DCP2: variants seen among roughly 807,000 people sequenced by gnomAD.
DCP2 encodes decapping mRNA 2.
DCP2 carries 30 observed loss-of-function variants against 56.1 expected under a neutral mutation model. The observed-to-expected ratio is 0.53, with a 90% confidence interval of 0.40 to 0.73. DCP2 has a LOEUF of 0.73. Ranked by LOEUF, DCP2 falls within the 30% of genes least tolerant of loss-of-function variation. DCP2 has a pLI of 0.00. For synonymous variants in DCP2, 197 were observed against 163.3 expected (o/e 1.21, Z -1.57); for missense variants, 533 against 502.7 (o/e 1.06, Z -0.58).
At chr5:112,995,074 G>C (rs1748786075) in intron 4 of DCP2, among the ~76,000 whole-genome samples, 1 of 152,126 alleles carries the variant, frequency 6.6e-6, no homozygotes. Flanking sequence ...GTTTATTATA[G>C]AAAAACCATT....
At chr5:112,977,108 G>T (rs1475386097) in intron 1 of DCP2, 122 bp downstream of exon 1, 3 of 701,172 alleles carry the variant, frequency 4.3e-6, no homozygotes, top group Non-Finnish European at 6.7e-6. Context: ...TCCCGCCGCT[G>T]CTCGCTTTCC....
Position 113,013,676 on chromosome 5 carries a change from T to A in DCP2, c.*192T>A. ...CTGTAAATGCAGTTATAACCTTTTA[T>A]ACAGATTTACCTTTTCAGTGTTCAG... is the stretch of plus-strand genomic sequence containing the variant. On this transcript the variant is annotated 3_prime_UTR_variant, in exon 11 of 11. Transcript: ENST00000389063. The A allele has an allele frequency of 1.7e-6, 1 of 599,286 alleles. No individual in the cohort carries two copies. Among genetic ancestry groups the A allele is most frequent in the Non-Finnish European group, 2.8e-6 (1 of 358,254 alleles). The allele number at this position is 599,286 out of a possible 1,614,324, so 37.1% of individuals were successfully genotyped here. A position where few individuals can be genotyped will look rare whatever the true frequency, so the allele number is the denominator to read the frequency against.
chr5:113,006,117 C>CA (rs75106280), intron 8 of DCP2, among the ~76,000 whole-genome samples: 10,433 of 61,654 alleles, frequency 0.17, 1,061 homozygotes, highest in African/African-American at 0.37. Context: ...ACCCTATCTC[C>CA]AAAAAAAAAA....
rs146621442 is a variant in DCP2, at chr5:113,013,346, C to T, written c.1125C>T (p.Ser375=). 1.9e-5 allele frequency: 30 copies of T among 1,613,808 alleles called. No individual in the cohort carries two copies. The highest frequency in any genetic ancestry group is 2.5e-5 in the Non-Finnish European group (29 of 1,179,874). The part of the protein sequence containing the change: ...ETDAVYDLPS[S]SEDQLLEHAE... ...ATGCTGTATATGACTTGCCTAGCTC[C>T]AGTGAAGACCAGTTGCTAGAACATG... The change falls in exon 11 of 11, where the codon TCC becomes TCT. Residue 375 remains serine, a synonymous_variant. Coordinates refer to ENST00000389063, the MANE Select transcript of DCP2 (RefSeq NM_152624.6).
rs1750034572 is a variant in DCP2, at chr5:113,019,904, G to A, written c.*6420G>A. The A allele has an allele frequency of 6.6e-6, 1 of 152,214 alleles. No individual in the cohort carries two copies. The allele number at this position is 152,214 out of a possible 1,614,324, so 9.4% of individuals were successfully genotyped here. ...TTTTTAAGTGAAGTTCTCTTAATAA[G>A]ATTGCCTTTTGTCTAACCGAAATAG... On this transcript the variant is annotated 3_prime_UTR_variant, in exon 11 of 11. Coordinates refer to ENST00000389063, the MANE Select transcript of DCP2 (RefSeq NM_152624.6).
At chr5:113,006,303 T>C (rs534404699) in intron 8 of DCP2, among the ~76,000 whole-genome samples, 3 of 152,062 alleles carry the variant, frequency 2.0e-5, no homozygotes, top group African/African-American at 7.2e-5. Context: ...GAGGGGAGAA[T>C]AGGGAGTTAC....
rs1273326881 is a variant in DCP2 at position 113,018,168 on chromosome 5, T to C, written c.*4684T>C. The C allele has an allele frequency of 2.6e-5, 4 of 152,234 alleles. No homozygotes were observed. The highest frequency in any genetic ancestry group is 9.6e-5 in the African/African-American group (4 of 41,452). 9.4% of individuals were successfully genotyped at this position (152,234 alleles called of 1,614,324 possible). On this transcript the variant is annotated 3_prime_UTR_variant, in exon 11 of 11. Coordinates refer to ENST00000389063, the MANE Select transcript of DCP2 (RefSeq NM_152624.6). ...TCCTTGTGACAAATAGCATTTACTA[T>C]TGAAATAGTCTTAAAATAGGGAAAA...
At chr5:112,987,945 G>T (rs1409263514) in intron 2 of DCP2, among the ~76,000 whole-genome samples, 18 of 152,078 alleles carry the variant, frequency 1.2e-4, no homozygotes, top group African/African-American at 3.9e-4. Flanking sequence ...TTTTGACCAT[G>T]ACGTGTATGT....
intron 4 of DCP2, among the ~76,000 whole-genome samples, chr5:113,000,127 A>G (rs1189152697): frequency 1.3e-5 from 2 of 150,744 alleles, no homozygotes; most frequent in Admixed American, 6.6e-5. Flanking sequence ...GCTAATTTTT[A>G]TCTACATTTT....
rs186699689 is a variant in DCP2 at position 112,976,939 on chromosome 5, G to T, written c.6G>T (p.Glu2Asp). Residue 2 changes from glutamate to aspartate, a missense_variant, in exon 1 of 11, where the codon GAG (glutamate) becomes GAT (aspartate). Transcript: ENST00000389063. Reference protein sequence around the residue: METKRVEIPGSV... With the variant: MDTKRVEIPGSV... ...TCCTGCTGTGGGTCCTCATCATGGAGACCAAACGGGTGGAGATTCCCGGCA... is the reference window on the plus strand; with the variant it reads ...TCCTGCTGTGGGTCCTCATCATGGATACCAAACGGGTGGAGATTCCCGGCA... 15 of 1,608,912 alleles carry T rather than the reference G, an allele frequency of 9.3e-6. No homozygotes were observed. The highest frequency in any genetic ancestry group is 1.7e-4 in the Middle Eastern group (1 of 6,046).
chr5:112,984,722 A>ATATT (rs1748188709), intron 1 of DCP2: 1 of 134,320 alleles, frequency 7.4e-6, no homozygotes, highest in African/African-American at 3.0e-5. Flanking sequence ...ATATATATAT[A>ATATT]TATTTGAGAC....
At chr5:112,985,802 A>C (rs376045396) in intron 1 of DCP2, 33 bp from the exon 2 acceptor site, 2 of 1,590,604 alleles carry the variant, frequency 1.3e-6, no homozygotes, top group Middle Eastern at 1.7e-4. Context: ...TAGTTTGTAA[A>C]TGTAATTTTT....
intron 4 of DCP2, among the ~76,000 whole-genome samples, chr5:113,000,762 A>G (rs2150183418): frequency 6.6e-6 from 1 of 152,292 alleles, no homozygotes; most frequent in Non-Finnish European, 1.5e-5. Context: ...AGAGTGGGAA[A>G]TCTTGAAACC....
Position 113,019,300 on chromosome 5 carries a change from G to T in DCP2, c.*5816G>T, listed in dbSNP as rs1750014132. The stretch of plus-strand genomic sequence containing the variant: ...TAGAAAGATAATTCTTCAGCAGTTG[G>T]TTGATTAGATGGGTTAGTGCTTTTG... On this transcript the variant is annotated 3_prime_UTR_variant, in exon 11 of 11. Transcript: ENST00000389063. 6.6e-6 allele frequency: 1 copy of T among 152,172 alleles called. No homozygotes were observed. Among genetic ancestry groups the T allele is most frequent in the Admixed American group, 6.5e-5 (1 of 15,278 alleles). The allele number at this position is 152,172 out of a possible 1,614,324, so 9.4% of individuals were successfully genotyped here. A position where few individuals can be genotyped will look rare whatever the true frequency, so the allele number is the denominator to read the frequency against.
chr5:112,998,420 G>A (rs1007604405), intron 4 of DCP2, among the ~76,000 whole-genome samples: 1 of 152,178 alleles, frequency 6.6e-6, no homozygotes, highest in South Asian at 2.1e-4. Flanking sequence ...TCTCAAAGAC[G>A]TCTACTAAAG....
chr5:112,986,150 A>G (rs904482587), intron 2 of DCP2, 164 bp downstream of exon 2: 3 of 593,868 alleles, frequency 5.1e-6, no homozygotes, highest in African/African-American at 3.7e-5. Context: ...AGTAATAATC[A>G]TATTAATAAT....
At chr5:112,994,256 C>G (rs889317672) in intron 4 of DCP2, among the ~76,000 whole-genome samples, 1 of 146,762 alleles carries the variant, frequency 6.8e-6, no homozygotes, top group African/African-American at 2.5e-5. Flanking sequence ...ACTGCAGCCT[C>G]GACCGCCTGG....
At chr5:113,002,738 C>T (rs1161040828) in intron 7 of DCP2, among the ~76,000 whole-genome samples, 1 of 152,068 alleles carries the variant, frequency 6.6e-6, no homozygotes, top group East Asian at 1.9e-4. Flanking sequence ...GCCCAGGCTG[C>T]TGTTGAACTC....
intron 2 of DCP2, among the ~76,000 whole-genome samples, chr5:112,991,561 A>G (rs566515243): frequency 6.6e-6 from 1 of 152,346 alleles, no homozygotes; most frequent in Admixed American, 6.5e-5. Context: ...GAAACAATAT[A>G]TATGTGGTAA....
Sources: allele counts gnomAD v4.1 joint callset (sites outside exome capture counted in the v4.1 genomes callset), GRCh38; gene constraint gnomAD v4.1.1; transcripts MANE v1.5; gene names NCBI Gene and HGNC (gene_info 2026-07-23, HGNC 2026-07-21).